Variants in CASZ1 observed in about 807,000 individuals in gnomAD.
CASZ1 encodes zinc finger protein castor homolog 1.
CASZ1 carries 28 observed loss-of-function variants against 135.2 expected under a neutral mutation model. That is an observed-to-expected ratio of 0.21 (90% confidence interval 0.15 to 0.28). CASZ1 has a LOEUF of 0.28. CASZ1 is among the 10% of genes least tolerant of loss of function. The pLI is 1.00. For synonymous variants in CASZ1, 1,068 were observed against 1,073.4 expected, an observed-to-expected ratio of 0.99 and a Z score of 0.10; for missense variants, 2,161 against 2,453.3, an observed-to-expected ratio of 0.88 and a Z score of 2.52.
intron 2 of CASZ1, among the ~76,000 whole-genome samples, chr1:10,737,648 C>A (rs1639826195): frequency 6.6e-6 from 1 of 152,260 alleles, no homozygotes; most frequent in African/African-American, 2.4e-5. Flanking sequence ...GGTCTGTGGG[C>A]TGCCACGGGG....
At chr1:10,716,373 C>A (rs1639393685) in intron 2 of CASZ1, among the ~76,000 whole-genome samples, 1 of 152,260 alleles carries the variant, frequency 6.6e-6, no homozygotes, top group Admixed American at 6.5e-5. Context: ...CAGAGGAAGT[C>A]ACATGCACAA....
chr1:10,668,078 G>A (rs1257115592), intron 4 of CASZ1, among the ~76,000 whole-genome samples: 1 of 152,208 alleles, frequency 6.6e-6, no homozygotes, highest in Non-Finnish European at 1.5e-5. Context: ...GGGTGGAGGT[G>A]GGAGGCGTGT....
At position 10,679,775 on chromosome 1, in the gene CASZ1, G is replaced by GGA. The variant is rs1557499650; in HGVS notation, c.16+14098_16+14099insTC. Among the ~76,000 whole-genome samples, 1 of 152,190 alleles carries GGA rather than the reference G, an allele frequency of 6.6e-6. No homozygotes were observed. Among genetic ancestry groups the GGA allele is most frequent in the Non-Finnish European group, 1.5e-5 (1 of 68,034 alleles). On this transcript the variant is annotated intron_variant, in intron 4 of 20. Coordinates refer to ENST00000377022, the MANE Select transcript of CASZ1 (RefSeq NM_001079843.3). The surrounding 1 kb of genome is among the most constrained non-coding windows in gnomAD (Gnocchi z 4.7). ...AACCCCGAGTGTCACCACAGGGTCCGGCCCAACCTGGGCTCCAGCTGATTA... is the reference window on the plus strand; with the variant it reads ...AACCCCGAGTGTCACCACAGGGTCCGGAGCCCAACCTGGGCTCCAGCTGATTA...
chr1:10,712,071 C>T (rs530209796), intron 2 of CASZ1, among the ~76,000 whole-genome samples: 2 of 152,140 alleles, frequency 1.3e-5, no homozygotes, highest in Non-Finnish European at 2.9e-5. Flanking sequence ...ACAGGCCGGG[C>T]GTGGTGGTTC....
intron 2 of CASZ1, among the ~76,000 whole-genome samples, chr1:10,715,366 G>A (rs577967333): frequency 7.8e-4 from 119 of 152,174 alleles, no homozygotes; most frequent in Non-Finnish European, 7.8e-4. Flanking sequence ...CAGGATCTGC[G>A]GTGAGAACCC....
At chr1:10,693,847 C>T in intron 4 of CASZ1, 27 bp downstream of exon 4, 2 of 1,609,974 alleles carry the variant, frequency 1.2e-6, no homozygotes, top group Non-Finnish European at 1.7e-6. Context: ...GTGAAAGAGC[C>T]GCCCCTGCGT....
chr1:10,720,054 C>T lies in CASZ1; in HGVS notation c.-76-14510G>A, dbSNP rs544299374. Among the ~76,000 whole-genome samples, 160 of 152,358 alleles carry T rather than the reference C, an allele frequency of 1.1e-3. 1 individual carries two copies. Among genetic ancestry groups the T allele is most frequent in the Non-Finnish European group, 5.0e-4 (34 of 68,034 alleles). On this transcript the variant is annotated intron_variant, in intron 2 of 20. Coordinates refer to ENST00000377022, the MANE Select transcript of CASZ1 (RefSeq NM_001079843.3). This position sits in a 1 kb window ranked among gnomAD's most constrained non-coding sequence, Gnocchi z 5.7. ...GGCTGCCGGTCCCCACTGCTCTGCC[C>T]AGAGGCCCTGTGGCCTGGCCACAGA...
rs369295463 is a variant in CASZ1 at position 10,693,823 on chromosome 1, G to C, written c.16+51C>G. On this transcript the variant is annotated intron_variant, in intron 4 of 20. Transcript: ENST00000377022. ...GCTAAAAATAAGAACTTCCGTAAAA[G>C]AAGCGAAAGAAAAGTGAAAGAGCCG... 18 of 1,356,370 alleles carry C rather than the reference G, an allele frequency of 1.3e-5. No homozygotes were observed. In the African/African-American group the frequency reaches 2.7e-4, roughly 20 times the overall value. The allele number at this position is 1,356,370 out of a possible 1,614,324, so 84.0% of individuals were successfully genotyped here.
chr1:10,672,589 C>T (rs1021487395), intron 4 of CASZ1, among the ~76,000 whole-genome samples: 5 of 151,958 alleles, frequency 3.3e-5, no homozygotes, highest in East Asian at 1.9e-4. Flanking sequence ...CCTCATCTCT[C>T]GGATTATTTG....
rs1240959148 is a variant in CASZ1, at chr1:10,756,693, G to A, written c.-77+4008C>T. Among the ~76,000 whole-genome samples, 4 of 152,224 alleles carry A rather than the reference G, an allele frequency of 2.6e-5. No homozygotes were observed. Among genetic ancestry groups the A allele is most frequent in the Non-Finnish European group, 5.9e-5 (4 of 68,040 alleles). On this transcript the variant is annotated intron_variant, in intron 2 of 20. Coordinates refer to ENST00000377022, the MANE Select transcript of CASZ1 (RefSeq NM_001079843.3). The surrounding 1 kb of genome is among the most constrained non-coding windows in gnomAD (Gnocchi z 5.9). ...GGAGACTGGCCTTCAGGCGAGCGGG[G>A]TACTGGGGCAATTCACACCTTTGTG...
Position 10,659,871 on chromosome 1 carries a change from G to C in CASZ1, c.1171C>G (p.Pro391Ala). The change falls in exon 6 of 21, where the codon CCC becomes GCC. Residue 391 changes from proline (P) to alanine (A), a missense_variant. Coordinates refer to ENST00000377022, the MANE Select transcript of CASZ1 (RefSeq NM_001079843.3). ...IQKPGPAKVPPTPSLAPAPLA... is the reference protein window; with the variant it reads ...IQKPGPAKVPATPSLAPAPLA... ...GGTGCGGGAGCCAGGCTGGGGGTGGGCGGAACCTTGGCGGGGCCTGGCTTC... is the reference window on the plus strand; with the variant it reads ...GGTGCGGGAGCCAGGCTGGGGGTGGCCGGAACCTTGGCGGGGCCTGGCTTC... 6.2e-7 allele frequency: 1 copy of C among 1,611,208 alleles called. No individual in the cohort carries two copies. The highest frequency in any genetic ancestry group is 8.5e-7 in the Non-Finnish European group (1 of 1,178,906).
intron 2 of CASZ1, among the ~76,000 whole-genome samples, chr1:10,740,364 C>T (rs888302948): frequency 2.6e-5 from 4 of 152,234 alleles, no homozygotes; most frequent in African/African-American, 7.2e-5. Context: ...CGCCCCAGCC[C>T]GGGCTTCAGC....
chr1:10,641,567 C>G (rs284251), intron 20 of CASZ1, among the ~76,000 whole-genome samples: 37,010 of 152,180 alleles, frequency 0.24, 5,306 homozygotes, highest in African/African-American at 0.39. Flanking sequence ...TTGGGCGTGG[C>G]CCGGGGCTCA....
At chr1:10,740,319 C>A (rs181013962) in intron 2 of CASZ1, among the ~76,000 whole-genome samples, 447 of 152,356 alleles carry the variant, frequency 2.9e-3, no homozygotes, top group African/African-American at 0.01. Context: ...CAGTGAGGAA[C>A]CTGAAGCCAG....
At position 10,721,394 on chromosome 1, in the gene CASZ1, T is replaced by G. The variant is rs1639493546; in HGVS notation, c.-76-15850A>C. Among the ~76,000 whole-genome samples, 1 of 152,206 alleles carries G rather than the reference T, an allele frequency of 6.6e-6. No homozygotes were observed. The highest frequency in any genetic ancestry group is 1.5e-5 in the Non-Finnish European group (1 of 68,048). On this transcript the variant is annotated intron_variant, in intron 2 of 20. Coordinates refer to ENST00000377022, the MANE Select transcript of CASZ1 (RefSeq NM_001079843.3). The surrounding 1 kb of genome is among the most constrained non-coding windows in gnomAD (Gnocchi z 5.4). ...GTCTCCGATCCAATTAATATGCAAA[T>G]GCAGGAGAGGATTTATTTGTGACAT...
intron 4 of CASZ1, among the ~76,000 whole-genome samples, chr1:10,682,001 C>G (rs899422529): frequency 6.6e-6 from 1 of 152,246 alleles, no homozygotes; most frequent in African/African-American, 2.4e-5. Context: ...CTGAATAAAT[C>G]CTGCAACTGT....
At chr1:10,686,010 C>T (rs896465416) in intron 4 of CASZ1, among the ~76,000 whole-genome samples, 1 of 152,206 alleles carries the variant, frequency 6.6e-6, no homozygotes, top group African/African-American at 2.4e-5. Flanking sequence ...AAACCAGCTC[C>T]AGCTGGTGTC....
At chr1:10,667,157 C>A (rs954119592) in intron 4 of CASZ1, among the ~76,000 whole-genome samples, 19 of 152,218 alleles carry the variant, frequency 1.2e-4, no homozygotes, top group African/African-American at 4.6e-4. Flanking sequence ...CTGGGTCCAC[C>A]CAGGGGCCGC....
intron 6 of CASZ1, among the ~76,000 whole-genome samples, chr1:10,659,026 C>T (rs554480305): frequency 6.6e-6 from 1 of 152,314 alleles, no homozygotes; most frequent in East Asian, 1.9e-4. Context: ...GGGAGCCCCC[C>T]CAGGGTTCAG....
Sources: gnomAD v4.1 joint callset for allele counts (sites outside exome capture counted in the v4.1 genomes callset) on GRCh38, gnomAD v4.1.1 for gene constraint, Gnocchi (gnomAD v3.1) non-coding constraint, MANE v1.5 for transcripts, NCBI Gene and HGNC (gene_info 2026-07-23, HGNC 2026-07-21) for gene names.